The following ACOX3 variants were observed in gnomAD, a reference collection of about 807,000 sequenced individuals.
ACOX3 encodes acyl-CoA oxidase 3, pristanoyl, also known as peroxisomal acyl-coenzyme A oxidase 3.
A neutral mutation model predicts 81.5 loss-of-function variants in ACOX3; 73 were observed. The observed-to-expected ratio is 0.90, with a 90% confidence interval of 0.74 to 1.09. The LOEUF (loss-of-function observed/expected upper bound fraction) is 1.09, where lower values mean the gene tolerates loss of function less well. Ranked by LOEUF, ACOX3 falls within the 50% of genes least tolerant of loss-of-function variation. ACOX3 has a pLI of 0.00. For missense variants in ACOX3, 947 were observed against 928.0 expected (o/e 1.02, Z -0.27); for synonymous variants, 387 against 375.1 (o/e 1.03, Z -0.37).
At chr4:8,377,399 C>A (rs1458227721) in intron 14 of ACOX3, among the ~76,000 whole-genome samples, 1 of 152,256 alleles carries the variant, frequency 6.6e-6, no homozygotes, top group East Asian at 1.9e-4. Flanking sequence ...CCTCCTGGAA[C>A]CTTGCTGCTG....
chr4:8,386,630 T>C lies in ACOX3; in HGVS notation c.1537+2543A>G, dbSNP rs370573590. ...AAATAGGTCATCAAACGTGTCCCCG[T>C]TTCCCACTGGCACCCAAAAAGGCAG... On this transcript the variant is annotated intron_variant, in intron 13 of 17. Transcript: ENST00000356406. This position sits in a 1 kb window ranked among gnomAD's most constrained non-coding sequence, Gnocchi z 5.2. Among the ~76,000 whole-genome samples, 100 of 151,002 alleles carry C rather than the reference T, an allele frequency of 6.6e-4. No homozygotes were observed. Among genetic ancestry groups the C allele is most frequent in the African/African-American group, 1.9e-3 (78 of 41,134 alleles).
rs1345294081 is a variant in ACOX3, at chr4:8,400,013, G to A, written c.777-361C>T. Among the ~76,000 whole-genome samples, 1 of 152,132 alleles carries A rather than the reference G, an allele frequency of 6.6e-6. No homozygotes were observed. Among genetic ancestry groups the A allele is most frequent in the Non-Finnish European group, 1.5e-5 (1 of 68,028 alleles). ...TGTAATCCCAGCACTTTGGGAGGCC[G>A]AGGTGGGTGGATCACCTCAGGTCAG... On this transcript the variant is annotated intron_variant, in intron 7 of 17. Transcript: ENST00000356406. This position sits in a 1 kb window ranked among gnomAD's most constrained non-coding sequence, Gnocchi z 4.4.
intron 1 of ACOX3, among the ~76,000 whole-genome samples, chr4:8,426,507 C>A (rs149646304): frequency 7.2e-6 from 1 of 138,672 alleles, no homozygotes; most frequent in African/African-American, 2.6e-5. Flanking sequence ...CATGGCCCCC[C>A]CCGTCATATT....
At chr4:8,412,243 A>C (rs1006422267) in intron 5 of ACOX3, among the ~76,000 whole-genome samples, 5 of 152,238 alleles carry the variant, frequency 3.3e-5, no homozygotes, top group Admixed American at 2.0e-4. Context: ...CACTCTGAGA[A>C]GGAGCCTTGG....
At chr4:8,362,957 T>C (rs1339359841), downstream of ACOX3, among the ~76,000 whole-genome samples, 1 of 152,246 alleles carries the variant, frequency 6.6e-6, no homozygotes, top group Non-Finnish European at 1.5e-5. Context: ...TTACCAAGAT[T>C]TGTTTTTAGT....
In ACOX3 at chr4:8,407,653, A is replaced by T. The variant is rs966436040; in HGVS notation, c.688-1610T>A. On this transcript the variant is annotated intron_variant, in intron 6 of 17. Transcript: ENST00000356406. The surrounding 1 kb of genome is among the most constrained non-coding windows in gnomAD (Gnocchi z 4.6). ...TTCATATTCACGTTTTAGACACAGG[A>T]CTCCCTGCTAGATTTTAGTAAAGTG... 4.6e-5 allele frequency among the ~76,000 whole-genome samples: 7 copies of T among 152,074 alleles called. No individual in the cohort carries two copies. The highest frequency in any genetic ancestry group is 8.8e-5 in the Non-Finnish European group (6 of 68,022).
intron 1 of ACOX3, among the ~76,000 whole-genome samples, chr4:8,434,669 T>C (rs2109049883): frequency 6.6e-6 from 1 of 152,390 alleles, no homozygotes; most frequent in East Asian, 1.9e-4. Context: ...CTTTGGAACT[T>C]GCACACTCCA....
At chr4:8,428,144 T>G (rs1579001708) in intron 1 of ACOX3, among the ~76,000 whole-genome samples, 2 of 152,256 alleles carry the variant, frequency 1.3e-5, no homozygotes, top group East Asian at 1.9e-4. Context: ...GTCCTCCGAA[T>G]GCCCAGCACG....
intron 11 of ACOX3, among the ~76,000 whole-genome samples, chr4:8,390,931 G>A (rs949345060): frequency 6.6e-6 from 1 of 152,150 alleles, no homozygotes; most frequent in African/African-American, 2.4e-5. Context: ...AGAGGCCTCA[G>A]CAGAAACATT....
At chr4:8,373,667 G>C (rs1716556536) in intron 15 of ACOX3, 39 bp from the exon 16 acceptor site, 6 of 1,586,766 alleles carry the variant, frequency 3.8e-6, no homozygotes, top group Non-Finnish European at 4.3e-6. Flanking sequence ...GCTGGGTCCA[G>C]TCCAAAACCA....
At chr4:8,371,550 C>T (rs957374579) in intron 16 of ACOX3, among the ~76,000 whole-genome samples, 1 of 149,004 alleles carries the variant, frequency 6.7e-6, no homozygotes, top group Non-Finnish European at 1.5e-5. Context: ...AAAAATTATC[C>T]TTAAAATATG....
chr4:8,356,945 A>T, the ACOX3 span: 1 of 433,102 alleles, frequency 2.3e-6, no homozygotes, highest in African/African-American at 2.8e-5. Context: ...GAGAAGAAGA[A>T]GGTGAAGTGA....
chr4:8,439,766 C>T (rs1300811876), intron 1 of ACOX3, among the ~76,000 whole-genome samples: 1 of 152,174 alleles, frequency 6.6e-6, no homozygotes, highest in Non-Finnish European at 1.5e-5. Context: ...CACTATCACT[C>T]TGTCTCCCAA....
Position 8,389,689 on chromosome 4 carries a change from G to A in ACOX3, c.1346C>T (p.Thr449Ile), listed in dbSNP as rs1718733763. ...CAGGATGTTGTTGTCACCTTCGTAT[G>A]TGCAGTTGGGATCGTTGTCATCTCT... ...VLRDDNDPNC[T>I]YEGDNNILLQ... Residue 449 changes from threonine (T) to isoleucine (I), a missense_variant, in exon 12 of 18, where the codon ACA (threonine) becomes ATA (isoleucine). By Grantham distance (89) the Thr-to-Ile change is moderately conservative. Coordinates refer to ENST00000356406, the MANE Select transcript of ACOX3 (RefSeq NM_003501.3). The surrounding 1 kb of genome is among the most constrained non-coding windows in gnomAD (Gnocchi z 5.3). The A allele has an allele frequency of 1.2e-6, 2 of 1,613,980 alleles. No individual in the cohort carries two copies. Among genetic ancestry groups the A allele is most frequent in the African/African-American group, 2.7e-5 (2 of 74,918 alleles).
intron 1 of ACOX3, among the ~76,000 whole-genome samples, chr4:8,435,284 A>C (rs966170443): frequency 1.3e-5 from 2 of 152,150 alleles, no homozygotes; most frequent in African/African-American, 4.8e-5. Flanking sequence ...AGGTCAGGAG[A>C]TTGAGACCAT....
Position 8,414,504 on chromosome 4 carries a change from C to G in ACOX3, c.454-123G>C. 1 of 900,352 alleles carries G rather than the reference C, an allele frequency of 1.1e-6. No homozygotes were observed. Among genetic ancestry groups the G allele is most frequent in the African/African-American group, 1.6e-5 (1 of 60,840 alleles). 55.8% of individuals were successfully genotyped at this position (900,352 alleles called of 1,614,324 possible). A position where few individuals can be genotyped will look rare whatever the true frequency, so the allele number is the denominator to read the frequency against. On this transcript the variant is annotated intron_variant, in intron 4 of 17. Coordinates refer to ENST00000356406, the MANE Select transcript of ACOX3 (RefSeq NM_003501.3). The surrounding 1 kb of genome is among the most constrained non-coding windows in gnomAD (Gnocchi z 6.1). The stretch of plus-strand genomic sequence containing the variant: ...ACATATCAAAGCCCCAAATTTCCAT[C>G]TACCCAACTAGTGACTTGACTGAGT...
At chr4:8,374,751 C>T (rs1276191845) in intron 15 of ACOX3, 10 of 452,936 alleles carry the variant, frequency 2.2e-5, no homozygotes, top group South Asian at 7.0e-5. Flanking sequence ...TTCTCTGAAC[C>T]GAACCCCAAG....
chr4:8,376,160 A>G (rs983252778), intron 14 of ACOX3, among the ~76,000 whole-genome samples: 2 of 152,192 alleles, frequency 1.3e-5, no homozygotes, highest in African/African-American at 2.4e-5. Flanking sequence ...TTTTCTCTAC[A>G]GCCTCGCCAG....
At chr4:8,415,671 G>T in intron 3 of ACOX3, 95 bp downstream of exon 3, 1 of 1,072,032 alleles carries the variant, frequency 9.3e-7, no homozygotes, top group Non-Finnish European at 1.4e-6. Context: ...ACAAACTGGT[G>T]TTTCTCTGCC....
Sources: allele counts gnomAD v4.1 joint callset (sites outside exome capture counted in the v4.1 genomes callset), GRCh38; gene constraint gnomAD v4.1.1; non-coding constraint Gnocchi (gnomAD v3.1); transcripts MANE v1.5; gene names NCBI Gene and HGNC (gene_info 2026-07-23, HGNC 2026-07-21).